SSBP3: variants seen among roughly 807,000 people sequenced by gnomAD.
The protein encoded by SSBP3 is single-stranded DNA-binding protein 3.
In SSBP3, 5 loss-of-function variants were observed where a neutral mutation model predicts 69.6. The ratio of observed to expected loss-of-function variants is 0.07; its 90% confidence interval spans 0.04 to 0.15. The LOEUF is 0.15. SSBP3 is among the 10% of genes least tolerant of loss of function. The pLI is 1.00. For missense variants in SSBP3, 312 were observed against 534.0 expected (o/e 0.58, Z 4.10); for synonymous variants, 196 against 193.4 (o/e 1.01, Z -0.11).
exon 1 of SSBP3, chr1:54,406,387 G>A: frequency 6.1e-6 from 1 of 163,446 alleles, no homozygotes; most frequent in Non-Finnish European, 1.3e-5. Flanking sequence ...CGCCGCCGCC[G>A]CTGGTCTACT....
At chr1:54,270,928 T>C (rs116685543) in intron 5 of SSBP3, among the ~76,000 whole-genome samples, 115 of 152,084 alleles carry the variant, frequency 7.6e-4, no homozygotes, top group African/African-American at 2.7e-3. Flanking sequence ...CCAGGAAGCA[T>C]GGATCACCTT....
chr1:54,230,598 G>A (rs1157369299), intron 14 of SSBP3, among the ~76,000 whole-genome samples: 1 of 152,102 alleles, frequency 6.6e-6, no homozygotes, highest in Non-Finnish European at 1.5e-5. Context: ...ACAGGGTTGT[G>A]CAACCATCAC....
At chr1:54,238,093 C>T (rs1644530719) in intron 14 of SSBP3, 1 of 459,950 alleles carries the variant, frequency 2.2e-6, no homozygotes, top group African/African-American at 2.0e-5. Context: ...TGTTAAAAGC[C>T]AGATGGTTGG....
At chr1:54,338,628 T>C (rs963725965) in intron 4 of SSBP3, among the ~76,000 whole-genome samples, 2 of 152,192 alleles carry the variant, frequency 1.3e-5, no homozygotes, top group African/African-American at 2.4e-5. Flanking sequence ...CAAGTTTCCA[T>C]ACATACCCAG....
intron 4 of SSBP3, among the ~76,000 whole-genome samples, chr1:54,346,065 A>C (rs1646685242): frequency 6.6e-6 from 1 of 152,046 alleles, no homozygotes; most frequent in Admixed American, 6.5e-5. Flanking sequence ...CAGGAGGCTG[A>C]GACAGGAGAA....
At chr1:54,265,090 G>A (rs1645079047) in intron 5 of SSBP3, among the ~76,000 whole-genome samples, 4 of 152,220 alleles carry the variant, frequency 2.6e-5, no homozygotes, top group Admixed American at 2.6e-4. Context: ...CTCAGTCTGG[G>A]GAGAAGGTCA....
At chr1:54,244,676 A>G (rs1285452389) in intron 9 of SSBP3, among the ~76,000 whole-genome samples, 1 of 152,078 alleles carries the variant, frequency 6.6e-6, no homozygotes, top group African/African-American at 2.4e-5. Context: ...ATCTCTTCCT[A>G]TATAACCAGG....
Position 54,316,670 on chromosome 1 carries a change from A to AT in SSBP3, c.277-35144_277-35143insA, listed in dbSNP as rs1557525448. The stretch of plus-strand genomic sequence containing the variant: ...CTCAAAAAAAAAAAATAAAATAAAT[A>AT]AATAAATAAATAAATAAATAAATAA... On this transcript the variant is annotated intron_variant, in intron 4 of 17. Transcript: ENST00000610401. Among the ~76,000 whole-genome samples the AT allele has an allele frequency of 1.1e-4, 5 of 46,514 alleles. 1 individual carries two copies. Among genetic ancestry groups the AT allele is most frequent in the African/African-American group, 5.6e-4 (4 of 7,124 alleles). 30.5% of individuals were successfully genotyped at this position (46,514 alleles called of 152,430 possible).
intron 5 of SSBP3, among the ~76,000 whole-genome samples, chr1:54,272,532 A>G (rs886781194): frequency 6.6e-6 from 1 of 151,714 alleles, no homozygotes; most frequent in Non-Finnish European, 1.5e-5. Context: ...ATTTGCTGAG[A>G]AGGTAGGTGG....
At chr1:54,399,073 C>A (rs1399123201) in intron 4 of SSBP3, among the ~76,000 whole-genome samples, 1 of 152,250 alleles carries the variant, frequency 6.6e-6, no homozygotes, top group African/African-American at 2.4e-5. Flanking sequence ...AAGACTCACT[C>A]ACCCGCAAGT....
chr1:54,409,496 C>A (rs1649933861), upstream of SSBP3, among the ~76,000 whole-genome samples: 1 of 152,090 alleles, frequency 6.6e-6, no homozygotes, highest in Non-Finnish European at 1.5e-5. Context: ...CACCAGGAGC[C>A]CCCAGGGACC....
chr1:54,303,692 G>C (rs1164388914), intron 4 of SSBP3, among the ~76,000 whole-genome samples: 1 of 152,182 alleles, frequency 6.6e-6, no homozygotes, highest in Non-Finnish European at 1.5e-5. Flanking sequence ...GCCACAAGCA[G>C]CTACCAAGTA....
At chr1:54,320,388 G>A (rs1404091822) in intron 4 of SSBP3, among the ~76,000 whole-genome samples, 1 of 152,126 alleles carries the variant, frequency 6.6e-6, no homozygotes, top group African/African-American at 2.4e-5. Context: ...CGCGATCTTG[G>A]CTCTTTGCAA....
intron 4 of SSBP3, among the ~76,000 whole-genome samples, chr1:54,292,731 C>T (rs1352056639): frequency 6.6e-6 from 1 of 152,180 alleles, no homozygotes; most frequent in East Asian, 1.9e-4. Flanking sequence ...ATGCCTCCAA[C>T]AGGAGAATTC....
At chr1:54,267,593 A>C (rs1570308302) in intron 5 of SSBP3, among the ~76,000 whole-genome samples, 1 of 152,186 alleles carries the variant, frequency 6.6e-6, no homozygotes, top group East Asian at 1.9e-4. Flanking sequence ...CTGGACCGTG[A>C]GGATGGCATT....
chr1:54,319,854 C>T (rs1431298988), intron 4 of SSBP3, among the ~76,000 whole-genome samples: 2 of 152,092 alleles, frequency 1.3e-5, no homozygotes, highest in African/African-American at 2.4e-5. Flanking sequence ...CTTTGAAGGA[C>T]GCAGGTGGCC....
chr1:54,365,350 G>A (rs1002638893), intron 4 of SSBP3, among the ~76,000 whole-genome samples: 2 of 132,590 alleles, frequency 1.5e-5, no homozygotes, highest in East Asian at 1.9e-4. Flanking sequence ...AAAGGTGTGC[G>A]TGTGTGTGTG....
intron 4 of SSBP3, among the ~76,000 whole-genome samples, chr1:54,343,149 G>C (rs1030280271): frequency 6.6e-6 from 1 of 152,184 alleles, no homozygotes; most frequent in African/African-American, 2.4e-5. Context: ...GGGGAAGAGG[G>C]GAGGCTGTGC....
intron 4 of SSBP3, among the ~76,000 whole-genome samples, chr1:54,335,267 C>A (rs1646489220): frequency 6.6e-6 from 1 of 152,242 alleles, no homozygotes; most frequent in South Asian, 2.1e-4. Context: ...CCGCTGCATT[C>A]CTCCTTGGAG....
Sources: gnomAD v4.1 joint callset for allele counts (sites outside exome capture counted in the v4.1 genomes callset) on GRCh38, gnomAD v4.1.1 for gene constraint, MANE v1.5 for transcripts, NCBI Gene and HGNC (gene_info 2026-07-23, HGNC 2026-07-21) for gene names.